Variants in FAM222B observed in about 807,000 individuals in gnomAD.
FAM222B encodes the protein family with sequence similarity 222 member B.
Under a neutral mutation model 38.0 loss-of-function variants are expected in FAM222B, and 12 were observed. The observed-to-expected ratio is 0.32, with a 90% CI of 0.20 to 0.51. FAM222B has a LOEUF of 0.51. Among genes scored for constraint, FAM222B ranks in the 20% least tolerant of loss-of-function variants. FAM222B has a pLI of 0.97. For synonymous variants in FAM222B, 329 were observed against 317.2 expected, an observed-to-expected ratio of 1.04 and a Z score of -0.40; for missense variants, 716 against 754.2, an observed-to-expected ratio of 0.95 and a Z score of 0.59.
At chr17:28,791,146 G>A (rs556697798) in intron 1 of FAM222B, among the ~76,000 whole-genome samples, 6 of 151,766 alleles carry the variant, frequency 4.0e-5, no homozygotes, top group East Asian at 1.9e-4. Flanking sequence ...TCCTGATGTC[G>A]TGATCTGCCC....
upstream of FAM222B, among the ~76,000 whole-genome samples, chr17:28,843,997 G>A (rs1489800778): frequency 1.3e-5 from 2 of 152,162 alleles, no homozygotes; most frequent in Non-Finnish European, 2.9e-5. Context: ...GGAATTCGCA[G>A]GCAAATAGTC....
chr17:28,800,249 G>A (rs971996410), intron 1 of FAM222B, among the ~76,000 whole-genome samples: 29 of 151,878 alleles, frequency 1.9e-4, no homozygotes, highest in Non-Finnish European at 3.4e-4. Context: ...GGCTGGTCTC[G>A]AACTCCCGAC....
chr17:28,762,353 C>T (rs911261623), intron 2 of FAM222B, among the ~76,000 whole-genome samples: 17 of 152,108 alleles, frequency 1.1e-4, no homozygotes, highest in African/African-American at 3.9e-4. Context: ...TTCTGCTGGG[C>T]GCAGTGGCTC....
chr17:28,854,927 G>T, intron 1 of FAM222B: 1 of 1,290,808 alleles, frequency 7.7e-7, no homozygotes, highest in Admixed American at 2.8e-5. Context: ...ATGTGTCTCG[G>T]CTTTCAATTT....
chr17:28,800,386 G>A (rs767689263), intron 1 of FAM222B, among the ~76,000 whole-genome samples: 34 of 152,084 alleles, frequency 2.2e-4, no homozygotes, highest in Non-Finnish European at 4.6e-4. Flanking sequence ...GTGGACAGAT[G>A]TGAGGTGGAG....
At chr17:28,831,336 A>C (rs929508078) in intron 1 of FAM222B, among the ~76,000 whole-genome samples, 1 of 151,820 alleles carries the variant, frequency 6.6e-6, no homozygotes, top group Non-Finnish European at 1.5e-5. Flanking sequence ...TGATCTATGT[A>C]TCTATCCTTC....
rs146315953 is a variant in FAM222B at position 28,804,135 on chromosome 17, A to G, written c.-40-37428T>C. Reference sequence around the variant, plus strand: ...GGTCTCTTCGGGAACCAGGACATCTATCTTCTCCTCCCCTTGGCAATCAGA... The same window carrying G: ...GGTCTCTTCGGGAACCAGGACATCTGTCTTCTCCTCCCCTTGGCAATCAGA... On this transcript the variant is annotated intron_variant, in intron 1 of 2. Coordinates refer to ENST00000581407, the MANE Select transcript of FAM222B (RefSeq NM_001077498.3). Among the ~76,000 whole-genome samples, 28 of 152,292 alleles carry G rather than the reference A, an allele frequency of 1.8e-4. No individual in the cohort carries two copies. In the East Asian group the frequency reaches 5.2e-3, roughly 28 times the overall value.
At chr17:28,801,846 G>C (rs1485436687) in intron 1 of FAM222B, among the ~76,000 whole-genome samples, 1 of 151,976 alleles carries the variant, frequency 6.6e-6, no homozygotes, top group African/African-American at 2.4e-5. Context: ...GAAGTGCTTA[G>C]CTTTTGGAAG....
chr17:28,792,359 C>T (rs2036739658), intron 1 of FAM222B, among the ~76,000 whole-genome samples: 1 of 147,948 alleles, frequency 6.8e-6, no homozygotes, highest in Non-Finnish European at 1.5e-5. Flanking sequence ...TGTGTGCCTG[C>T]AGTCCCAGCT....
intron 1 of FAM222B, among the ~76,000 whole-genome samples, chr17:28,828,904 CTTTTT>C (rs879920718): frequency 6.9e-6 from 1 of 144,492 alleles, no homozygotes. Flanking sequence ...CAACTCTCTA[CTTTTT>C]TTTTTTTTTA....
chr17:28,762,098 A>G (rs2035104995), intron 2 of FAM222B: 1 of 152,098 alleles, frequency 6.6e-6, no homozygotes, highest in Non-Finnish European at 1.5e-5. Flanking sequence ...GGGGACACTT[A>G]TCCACATTGA....
intron 1 of FAM222B, among the ~76,000 whole-genome samples, chr17:28,841,528 C>T (rs2039038028): frequency 6.6e-6 from 1 of 152,088 alleles, no homozygotes; most frequent in Non-Finnish European, 1.5e-5. Context: ...GCGCCCGCCA[C>T]CACACCCGGC....
chr17:28,783,151 AAAAC>A (rs2036236560), intron 1 of FAM222B, among the ~76,000 whole-genome samples: 1 of 152,044 alleles, frequency 6.6e-6, no homozygotes, highest in Non-Finnish European at 1.5e-5. Context: ...AAAAAAAAAA[AAAAC>A]AAACTCATTC....
At chr17:28,854,688 T>G (rs1028406109) in intron 1 of FAM222B, among the ~76,000 whole-genome samples, 1 of 151,838 alleles carries the variant, frequency 6.6e-6, no homozygotes, top group Admixed American at 6.6e-5. Context: ...CCACAACCAT[T>G]CCTCCCTCGA....
At chr17:28,781,268 A>T (rs1456414832) in intron 1 of FAM222B, among the ~76,000 whole-genome samples, 2 of 152,164 alleles carry the variant, frequency 1.3e-5, no homozygotes, top group Non-Finnish European at 2.9e-5. Flanking sequence ...ACTATACTCC[A>T]GCCTGGGTGA....
chr17:28,843,730 G>T (rs535799333), upstream of FAM222B, among the ~76,000 whole-genome samples: 8 of 152,138 alleles, frequency 5.3e-5, no homozygotes, highest in Non-Finnish European at 1.2e-4. Flanking sequence ...TTACAGGCCT[G>T]AGTCACCATG....
chr17:28,766,965 A>G (rs896191999), intron 1 of FAM222B: 6 of 368,102 alleles, frequency 1.6e-5, no homozygotes, highest in South Asian at 1.2e-4. Flanking sequence ...ACCTATTCAT[A>G]CAACTGGAAA....
Position 28,788,067 on chromosome 17 carries a change from G to A in FAM222B, c.-40-21360C>T, listed in dbSNP as rs951152606. ...TTGAACTCCCAACCTCAGGTGATCC[G>A]CCCGCCTCGGCCTCCCAAAGTGCTG... On this transcript the variant is annotated intron_variant, in intron 1 of 2. Coordinates refer to ENST00000581407, the MANE Select transcript of FAM222B (RefSeq NM_001077498.3). Among the ~76,000 whole-genome samples, 4 of 152,026 alleles carry A rather than the reference G, an allele frequency of 2.6e-5. No homozygotes were observed. In the East Asian group the frequency reaches 5.8e-4, roughly 22 times the overall value.
chr17:28,814,320 C>G (rs185576366), intron 1 of FAM222B, among the ~76,000 whole-genome samples: 1 of 152,104 alleles, frequency 6.6e-6, no homozygotes. Flanking sequence ...TTAATCCCCC[C>G]GAACACTACT....
Sources: gnomAD v4.1 joint callset for allele counts (sites outside exome capture counted in the v4.1 genomes callset) on GRCh38, gnomAD v4.1.1 for gene constraint, MANE v1.5 for transcripts, NCBI Gene and HGNC (gene_info 2026-07-23, HGNC 2026-07-21) for gene names.